CUL5: variants seen among roughly 807,000 people sequenced by gnomAD.
CUL5 encodes cullin 5.
A neutral mutation model predicts 108.8 loss-of-function variants in CUL5; 26 were observed. The ratio of observed to expected loss-of-function variants is 0.24; its 90% CI spans 0.18 to 0.33. The LOEUF is 0.33. Ranked by LOEUF, CUL5 falls within the 10% of genes least tolerant of loss-of-function variation. The pLI is 1.00. For missense variants in CUL5, 524 were observed against 909.2 expected (o/e 0.58, Z 5.45); for synonymous variants, 334 against 298.0 (o/e 1.12, Z -1.25).
chr11:108,031,850 C>G (rs888702750), intron 1 of CUL5, among the ~76,000 whole-genome samples: 1 of 152,124 alleles, frequency 6.6e-6, no homozygotes, highest in African/African-American at 2.4e-5. Context: ...TAAAAAAGAA[C>G]AAGATCATGT....
chr11:108,106,538 CTT>C lies in CUL5; in HGVS notation c.*2169_*2170del, dbSNP rs67141256. ...GCAAATACTGTAAATGTACAGTTTT[CTT>C]TTTTTTTTTTTTTTGGTTATGTATA... On this transcript the variant is annotated 3_prime_UTR_variant, in exon 19 of 19. Transcript: ENST00000393094. The C allele has an allele frequency of 0.034, 4,336 of 126,364 alleles. 213 individuals carry two copies. The highest frequency in any genetic ancestry group is 0.11 in the African/African-American group (3,888 of 35,286). The allele number at this position is 126,364 out of a possible 1,614,324, so 7.8% of individuals were successfully genotyped here.
chr11:108,015,324 T>A (rs1182744451), intron 1 of CUL5, among the ~76,000 whole-genome samples: 1 of 152,234 alleles, frequency 6.6e-6, no homozygotes, highest in Non-Finnish European at 1.5e-5. Context: ...ACAGCCAGTG[T>A]GAAAGCACAG....
intron 1 of CUL5, among the ~76,000 whole-genome samples, chr11:108,027,231 G>GGC (rs1862473171): frequency 6.6e-6 from 1 of 150,852 alleles, no homozygotes; most frequent in South Asian, 2.1e-4. Flanking sequence ...TCCGCCTCCA[G>GGC]GCCTTAGTAG....
intron 17 of CUL5, 38 bp downstream of exon 17, chr11:108,097,792 T>TG: frequency 1.7e-6 from 2 of 1,186,910 alleles, no homozygotes. Context: ...AAACACCTTG[T>TG]TTGAATTTTA....
At chr11:108,021,372 C>T (rs560111716) in intron 1 of CUL5, among the ~76,000 whole-genome samples, 2 of 152,300 alleles carry the variant, frequency 1.3e-5, no homozygotes, top group East Asian at 3.9e-4. Context: ...ATTTCTTGCT[C>T]TTCCTTCAGC....
intron 1 of CUL5, among the ~76,000 whole-genome samples, chr11:108,027,757 C>T (rs1862487001): frequency 6.6e-6 from 1 of 152,126 alleles, no homozygotes; most frequent in Admixed American, 6.6e-5. Flanking sequence ...TGGTATTTGT[C>T]CTTACTACTC....
intron 2 of CUL5, among the ~76,000 whole-genome samples, chr11:108,038,347 C>T (rs922841382): frequency 2.0e-5 from 3 of 152,048 alleles, no homozygotes; most frequent in Non-Finnish European, 4.4e-5. Flanking sequence ...TAGAAATCGT[C>T]AATAACCTTT....
In CUL5 at chr11:108,051,444, G is replaced by A. The variant is rs1310835347; in HGVS notation, c.412-1216G>A. Reference sequence around the variant, plus strand: ...ACCCCAGGTTTCACATATCTAAAGGGGGGATAATCATAGTACCTATATCAA... The same window carrying A: ...ACCCCAGGTTTCACATATCTAAAGGAGGGATAATCATAGTACCTATATCAA... On this transcript the variant is annotated intron_variant, in intron 4 of 18. Transcript: ENST00000393094. 4.6e-5 allele frequency among the ~76,000 whole-genome samples: 7 copies of A among 152,218 alleles called. No individual in the cohort carries two copies. In the East Asian group the frequency reaches 1.4e-3, roughly 29 times the overall value.
At chr11:108,098,052 T>C (rs2135244687) in intron 17 of CUL5, among the ~76,000 whole-genome samples, 1 of 152,182 alleles carries the variant, frequency 6.6e-6, no homozygotes, top group South Asian at 2.1e-4. Context: ...TGTGTTGTTT[T>C]GTTTCGTTTT....
intron 11 of CUL5, among the ~76,000 whole-genome samples, chr11:108,085,998 A>G (rs1023719389): frequency 6.6e-6 from 1 of 152,246 alleles, no homozygotes; most frequent in Non-Finnish European, 1.5e-5. Flanking sequence ...GATAATAAAT[A>G]GCAATGAAGA....
At chr11:108,103,367 C>G (rs1864717339) in intron 18 of CUL5, among the ~76,000 whole-genome samples, 2 of 151,378 alleles carry the variant, frequency 1.3e-5, no homozygotes, top group Admixed American at 6.6e-5. Flanking sequence ...CAAGACCAAC[C>G]TGGACAACAT....
Position 108,105,603 on chromosome 11 carries a change from C to A in CUL5, c.*1219C>A, listed in dbSNP as rs909544729. The A allele has an allele frequency of 3.9e-5, 6 of 152,006 alleles. No individual in the cohort carries two copies. Among genetic ancestry groups the A allele is most frequent in the African/African-American group, 1.4e-4 (6 of 41,390 alleles). The allele number at this position is 152,006 out of a possible 1,614,324, so 9.4% of individuals were successfully genotyped here. A position where few individuals can be genotyped will look rare whatever the true frequency, so the allele number is the denominator to read the frequency against. On this transcript the variant is annotated 3_prime_UTR_variant, in exon 19 of 19. Transcript: ENST00000393094. ...ATTTACCATGTTCCTTTCAGTCTAT[C>A]CAAAGTAGCAACTTAACTAGTTGCT...
intron 7 of CUL5, among the ~76,000 whole-genome samples, chr11:108,060,238 G>C (rs1863500232): frequency 6.6e-6 from 1 of 152,056 alleles, no homozygotes; most frequent in African/African-American, 2.4e-5. Flanking sequence ...AGGTGATCCA[G>C]ACTTTTGTAG....
intron 1 of CUL5, among the ~76,000 whole-genome samples, chr11:108,032,215 A>C (rs1862605633): frequency 6.6e-6 from 1 of 152,172 alleles, no homozygotes; most frequent in Non-Finnish European, 1.5e-5. Context: ...TGGCCAAAAC[A>C]AACCAGATGG....
At chr11:108,100,566 CAAAA>C (rs1864633703) in intron 18 of CUL5, among the ~76,000 whole-genome samples, 2 of 151,428 alleles carry the variant, frequency 1.3e-5, no homozygotes, top group African/African-American at 2.4e-5. Context: ...CAAAAACAAA[CAAAA>C]AACCTTACTC....
rs142427678 is a variant in CUL5 at position 108,102,528 on chromosome 11, G to A, written c.2149-1662G>A. 3.7e-3 allele frequency among the ~76,000 whole-genome samples: 565 copies of A among 151,964 alleles called. 3 individuals carry two copies. The highest frequency in any genetic ancestry group is 0.013 in the African/African-American group (551 of 41,410). ...GTATATTTTGTAGAGATGGGGTTTC[G>A]CCATGTTGCCTAGGCTGGTCTCAAA... On this transcript the variant is annotated intron_variant, in intron 18 of 18. Coordinates refer to ENST00000393094, the MANE Select transcript of CUL5 (RefSeq NM_003478.6).
intron 1 of CUL5, among the ~76,000 whole-genome samples, chr11:108,032,685 G>T (rs1227780761): frequency 6.6e-6 from 1 of 152,010 alleles, no homozygotes; most frequent in Non-Finnish European, 1.5e-5. Context: ...TGATTATGAG[G>T]TCTGATTGTT....
Position 108,080,133 on chromosome 11 carries a change from A to G in CUL5, c.1178+1893A>G, listed in dbSNP as rs1018590636. ...CATCTTTTTTTTTTTTTTTTCCGGT[A>G]TTCGTATATTTTCCTTTATGAAGGG... On this transcript the variant is annotated intron_variant, in intron 11 of 18. Coordinates refer to ENST00000393094, the MANE Select transcript of CUL5 (RefSeq NM_003478.6). Among the ~76,000 whole-genome samples the G allele has an allele frequency of 1.8e-4, 19 of 103,354 alleles. No homozygotes were observed. In the East Asian group the frequency reaches 4.3e-3, roughly 23 times the overall value. 67.8% of individuals were successfully genotyped at this position (103,354 alleles called of 152,430 possible). A position where few individuals can be genotyped will look rare whatever the true frequency, so the allele number is the denominator to read the frequency against.
chr11:108,018,697 C>T (rs369530222), intron 1 of CUL5, among the ~76,000 whole-genome samples: 74 of 151,978 alleles, frequency 4.9e-4, no homozygotes, highest in African/African-American at 1.7e-3. Flanking sequence ...GAGAGAGAAA[C>T]ATCACATATA....
Sources: allele counts gnomAD v4.1 joint callset (sites outside exome capture counted in the v4.1 genomes callset), GRCh38; gene constraint gnomAD v4.1.1; transcripts MANE v1.5; gene names NCBI Gene and HGNC (gene_info 2026-07-23, HGNC 2026-07-21).